The following SNX5 variants were observed in gnomAD, a reference collection of about 807,000 sequenced individuals.
SNX5 encodes the protein sorting nexin-5.
Under a neutral mutation model 53.9 loss-of-function variants are expected in SNX5, and 31 were observed. The ratio of observed to expected loss-of-function variants is 0.58; its 90% confidence interval spans 0.43 to 0.78. The LOEUF (loss-of-function observed/expected upper bound fraction) is 0.78. Among genes scored for constraint, SNX5 ranks in the 30% least tolerant of loss-of-function variants. SNX5 has a pLI of 0.00. For synonymous variants in SNX5, 168 were observed against 171.1 expected, an observed-to-expected ratio of 0.98 and a Z score of 0.14; for missense variants, 471 against 478.8, an observed-to-expected ratio of 0.98 and a Z score of 0.15.
intron 1 of SNX5, among the ~76,000 whole-genome samples, chr20:17,959,512 C>T (rs1433893282): frequency 1.3e-5 from 2 of 152,150 alleles, no homozygotes. Context: ...GGAAGGGATT[C>T]AAGCAAAACT....
In SNX5 at chr20:17,942,201, C is replaced by A; in HGVS notation, c.*156G>T. On this transcript the variant is annotated 3_prime_UTR_variant, in exon 13 of 13. Coordinates refer to ENST00000377759, the MANE Select transcript of SNX5 (RefSeq NM_014426.4). The stretch of plus-strand genomic sequence containing the variant: ...GCAAGCAATAATATTTTTAAACCAA[C>A]ATGGTTAAATGTTAAGATTTGTAGA... The A allele has an allele frequency of 1.6e-6, 1 of 611,104 alleles. No individual in the cohort carries two copies. Among genetic ancestry groups the A allele is most frequent in the South Asian group, 2.0e-5 (1 of 50,210 alleles). The allele number at this position is 611,104 out of a possible 1,614,324, so 37.9% of individuals were successfully genotyped here.
At chr20:17,954,405 G>A (rs185009442) in intron 3 of SNX5, among the ~76,000 whole-genome samples, 128 of 152,170 alleles carry the variant, frequency 8.4e-4, no homozygotes, top group Admixed American at 7.4e-3. Flanking sequence ...TTCAGTGTTC[G>A]CCTAAAACTA....
Position 17,959,725 on chromosome 20 carries a change from G to T in SNX5, c.52-2688C>A, listed in dbSNP as rs111399662. Among the ~76,000 whole-genome samples the T allele has an allele frequency of 9.8e-3, 1,495 of 152,286 alleles. 22 individuals are homozygous for T. The highest frequency in any genetic ancestry group is 0.035 in the African/African-American group (1,439 of 41,550). Reference sequence around the variant, plus strand: ...AACCCTCCAGATGAGACAAACATGGGTAGAAACTTGTGAAATGACTAGAGC... The same window carrying T: ...AACCCTCCAGATGAGACAAACATGGTTAGAAACTTGTGAAATGACTAGAGC... On this transcript the variant is annotated intron_variant, in intron 1 of 12. Transcript: ENST00000377759.
In SNX5 at chr20:17,942,081, T is replaced by C; in HGVS notation, c.*276A>G. 1 of 386,088 alleles carries C rather than the reference T, an allele frequency of 2.6e-6. No individual in the cohort carries two copies. The highest frequency in any genetic ancestry group is 5.9e-5 in the East Asian group (1 of 17,030). The allele number at this position is 386,088 out of a possible 1,614,324, so 23.9% of individuals were successfully genotyped here. On this transcript the variant is annotated 3_prime_UTR_variant, in exon 13 of 13. Transcript: ENST00000377759. ...GAAGGCTAATGTGTCCTACACCCTTTCTTAGTAACTAAAGACGAACTACGG... is the reference window on the plus strand; with the variant it reads ...GAAGGCTAATGTGTCCTACACCCTTCCTTAGTAACTAAAGACGAACTACGG...
At chr20:17,956,693 A>AAAAC (rs1568594110) in intron 2 of SNX5, among the ~76,000 whole-genome samples, 3 of 139,820 alleles carry the variant, frequency 2.1e-5, no homozygotes, top group African/African-American at 5.2e-5. Flanking sequence ...AAAAAAAAAA[A>AAAAC]AAAAAAAAAA....
chr20:17,955,762 A>G (rs1043856364), intron 2 of SNX5, among the ~76,000 whole-genome samples: 23 of 151,944 alleles, frequency 1.5e-4, no homozygotes, highest in Admixed American at 8.5e-4. Flanking sequence ...CCCTAATTCT[A>G]TTTTTTTGTT....
intron 4 of SNX5, among the ~76,000 whole-genome samples, chr20:17,953,633 G>A (rs2035303936): frequency 6.6e-6 from 1 of 152,128 alleles, no homozygotes; most frequent in South Asian, 2.1e-4. Flanking sequence ...TCTTCTCAAC[G>A]TCTAGTAACC....
intron 1 of SNX5, among the ~76,000 whole-genome samples, chr20:17,965,293 A>C (rs930130945): frequency 5.9e-5 from 9 of 152,218 alleles, no homozygotes; most frequent in African/African-American, 1.9e-4. Flanking sequence ...ACTCCTCAAC[A>C]AAAGTGATCA....
intron 1 of SNX5, among the ~76,000 whole-genome samples, chr20:17,958,942 C>T (rs758174025): frequency 5.3e-5 from 8 of 152,198 alleles, no homozygotes; most frequent in Admixed American, 1.3e-4. Context: ...CAGAGCCAGG[C>T]CTAAGAAGTA....
rs997158303 is a variant in SNX5, at chr20:17,968,794, G to A, written c.-369C>T. 3.6e-6 allele frequency: 1 copy of A among 277,452 alleles called. No homozygotes were observed. Among genetic ancestry groups the A allele is most frequent in the Non-Finnish European group, 6.9e-6 (1 of 145,840 alleles). The allele number at this position is 277,452 out of a possible 1,614,324, so 17.2% of individuals were successfully genotyped here. A position where few individuals can be genotyped will look rare whatever the true frequency, so the allele number is the denominator to read the frequency against. ...TCCCAGCAAGACGCGTCTAGAGAAA[G>A]ACCGCGTTTCGGTGCGGGGGGAATT... On this transcript the variant is annotated 5_prime_UTR_variant, in exon 1 of 13. Transcript: ENST00000377759.
intron 8 of SNX5, among the ~76,000 whole-genome samples, chr20:17,949,806 T>G (rs751504819): frequency 1.2e-4 from 18 of 152,100 alleles, no homozygotes; most frequent in Non-Finnish European, 1.8e-4. Flanking sequence ...CAGGCAAAAT[T>G]GCAAGCACCA....
At chr20:17,950,090 C>A in intron 8 of SNX5, 42 bp downstream of exon 8, 2 of 1,563,908 alleles carry the variant, frequency 1.3e-6, no homozygotes, top group South Asian at 1.1e-5. Flanking sequence ...ACTCGGCACT[C>A]TTCAATTGGG....
chr20:17,949,303 C>T lies in SNX5; in HGVS notation c.792-200G>A, dbSNP rs1017227261. Among the ~76,000 whole-genome samples the T allele has an allele frequency of 3.3e-5, 5 of 152,332 alleles. No homozygotes were observed. The South Asian group carries it at 6.2e-4, about 19-fold the overall frequency. On this transcript the variant is annotated intron_variant, in intron 8 of 12. Transcript: ENST00000377759. The stretch of plus-strand genomic sequence containing the variant: ...CACAAAATTACACACATGTACAGCA[C>T]CACACTCAGCCTCTTGGTGACCCTT...
In SNX5 at chr20:17,968,452, G is replaced by A. The variant is rs770339125; in HGVS notation, c.-27C>T. The A allele has an allele frequency of 1.6e-6, 2 of 1,289,452 alleles. No homozygotes were observed. The highest frequency in any genetic ancestry group is 5.7e-5 in the South Asian group (2 of 34,942). The allele number at this position is 1,289,452 out of a possible 1,614,324, so 79.9% of individuals were successfully genotyped here. A position where few individuals can be genotyped will look rare whatever the true frequency, so the allele number is the denominator to read the frequency against. On this transcript the variant is annotated 5_prime_UTR_variant, in exon 1 of 13. Coordinates refer to ENST00000377759, the MANE Select transcript of SNX5 (RefSeq NM_014426.4). ...GCGACGCGGGACTCGAGCAGGGGCC[G>A]CCTGGCTGTGCGAGGAAAGAAGAAG...
intron 2 of SNX5, among the ~76,000 whole-genome samples, chr20:17,956,459 T>G (rs2035357283): frequency 6.6e-6 from 1 of 152,150 alleles, no homozygotes; most frequent in South Asian, 2.1e-4. Flanking sequence ...GTGGTGGCTC[T>G]GGCTCACGCC....
intron 4 of SNX5, among the ~76,000 whole-genome samples, chr20:17,952,951 T>A (rs1394120526): frequency 6.6e-6 from 1 of 152,234 alleles, no homozygotes; most frequent in African/African-American, 2.4e-5. Context: ...GTCAAGTCCA[T>A]GAGCTCCTAA....
chr20:17,943,379 G>A, intron 11 of SNX5, 184 bp from the exon 12 acceptor site: 1 of 567,278 alleles, frequency 1.8e-6, no homozygotes. Context: ...TGGTGATACA[G>A]CTATCACTGT....
chr20:17,966,340 G>A lies in SNX5; in HGVS notation c.51+2035C>T, dbSNP rs180834274. ...GCGGAAGTTGCAGTGAGCTGAGATC[G>A]AGCCATTGCGCTCCAGCCTGGACGA... is the stretch of plus-strand genomic sequence containing the variant. On this transcript the variant is annotated intron_variant, in intron 1 of 12. Transcript: ENST00000377759. Among the ~76,000 whole-genome samples the A allele has an allele frequency of 1.1e-4, 16 of 150,940 alleles. No homozygotes were observed. The East Asian group carries it at 2.5e-3, about 24-fold the overall frequency.
chr20:17,945,932 T>A (rs1161549606), intron 11 of SNX5, among the ~76,000 whole-genome samples: 1 of 152,176 alleles, frequency 6.6e-6, no homozygotes, highest in Admixed American at 6.5e-5. Flanking sequence ...GAATTTTTCA[T>A]GGAAACACGC....
Sources: allele counts gnomAD v4.1 joint callset (sites outside exome capture counted in the v4.1 genomes callset), GRCh38; gene constraint gnomAD v4.1.1; transcripts MANE v1.5; gene names NCBI Gene and HGNC (gene_info 2026-07-23, HGNC 2026-07-21).